Variants in NCOA1 observed in about 807,000 individuals in gnomAD.
NCOA1 encodes the protein nuclear receptor coactivator 1, also known as Hin-2 protein.
NCOA1 carries 35 observed loss-of-function variants against 150.9 expected under a neutral mutation model. That is an observed-to-expected ratio of 0.23 (90% confidence interval 0.18 to 0.31). The LOEUF (loss-of-function observed/expected upper bound fraction) is 0.31, where lower values mean the gene tolerates loss of function less well. NCOA1 is among the 10% of genes least tolerant of loss of function. The pLI is 1.00. For synonymous variants in NCOA1, 590 were observed against 630.0 expected, an observed-to-expected ratio of 0.94 and a Z score of 0.95; for missense variants, 1,491 against 1,749.3, an observed-to-expected ratio of 0.85 and a Z score of 2.63.
chr2:24,700,690 TC>T (rs1673116779), intron 11 of NCOA1, among the ~76,000 whole-genome samples: 1 of 152,202 alleles, frequency 6.6e-6, no homozygotes, highest in Non-Finnish European at 1.5e-5. Context: ...TGGAAAAAGT[TC>T]CCAGGTTCTG....
At chr2:24,608,902 T>C (rs751291035) in intron 3 of NCOA1, among the ~76,000 whole-genome samples, 11 of 152,046 alleles carry the variant, frequency 7.2e-5, no homozygotes, top group Non-Finnish European at 1.3e-4. Flanking sequence ...TTGTCTGATG[T>C]TTTTCTTGTG....
chr2:24,746,571 A>G (rs1215901101), intron 19 of NCOA1, among the ~76,000 whole-genome samples: 1 of 152,160 alleles, frequency 6.6e-6, no homozygotes, highest in Non-Finnish European at 1.5e-5. Flanking sequence ...AGTCTAGGCA[A>G]AGATAGAACT....
At chr2:24,734,177 CAAAAA>C (rs933051944) in intron 17 of NCOA1, among the ~76,000 whole-genome samples, 36 of 68,014 alleles carry the variant, frequency 5.3e-4, no homozygotes, top group African/African-American at 2.0e-3. Context: ...AACTCCATCT[CAAAAA>C]AAAAAAAAAA....
chr2:24,592,689 C>T (rs1266551897), intron 3 of NCOA1, among the ~76,000 whole-genome samples: 1 of 149,244 alleles, frequency 6.7e-6, no homozygotes, highest in Admixed American at 6.8e-5. Flanking sequence ...CAGCTGGAAG[C>T]AGAGTGATCT....
chr2:24,527,815 C>G (rs368832165), intron 1 of NCOA1, among the ~76,000 whole-genome samples: 1 of 152,150 alleles, frequency 6.6e-6, no homozygotes, highest in Admixed American at 6.5e-5. Context: ...TTCTCCATAC[C>G]GTTGCCAACA....
At chr2:24,525,073 G>C (rs185707408) in intron 1 of NCOA1, among the ~76,000 whole-genome samples, 2 of 152,190 alleles carry the variant, frequency 1.3e-5, no homozygotes, top group Non-Finnish European at 2.9e-5. Context: ...TGAAATTAGG[G>C]GAGAGGAGCT....
chr2:24,583,254 A>G (rs1279953336), intron 2 of NCOA1, among the ~76,000 whole-genome samples: 2 of 152,218 alleles, frequency 1.3e-5, no homozygotes, highest in Non-Finnish European at 2.9e-5. Flanking sequence ...TGATCTGACT[A>G]GACATTTCTC....
intron 5 of NCOA1, among the ~76,000 whole-genome samples, chr2:24,664,768 C>G (rs1250803524): frequency 6.6e-6 from 1 of 152,046 alleles, no homozygotes; most frequent in African/African-American, 2.4e-5. Context: ...ATTATGAGCT[C>G]TATAGCAACT....
At chr2:24,602,817 T>C (rs950829390) in intron 3 of NCOA1, among the ~76,000 whole-genome samples, 3 of 152,194 alleles carry the variant, frequency 2.0e-5, no homozygotes, top group African/African-American at 7.2e-5. Context: ...GCCTCAGAAA[T>C]GGAATTTTAC....
Position 24,665,902 on chromosome 2 carries a change from G to A in NCOA1, c.243G>A (p.Lys81=). The change falls in exon 6 of 23, where the codon AAG becomes AAA. Residue 81 remains lysine, a synonymous_variant. Coordinates refer to ENST00000348332, the MANE Select transcript of NCOA1 (RefSeq NM_003743.5). ...CAGTCGATCAGATACAGCTAATGAA[G>A]AGAATGGAACAAGGTAAAAAAGAAA... The part of the protein sequence containing the change: ...KKTVDQIQLM[K]RMEQEKSTTD... 3 of 1,552,656 alleles carry A rather than the reference G, an allele frequency of 1.9e-6. No individual in the cohort carries two copies. The highest frequency in any genetic ancestry group is 2.6e-6 in the Non-Finnish European group (3 of 1,148,094).
intron 3 of NCOA1, among the ~76,000 whole-genome samples, chr2:24,596,264 T>C (rs564783614): frequency 6.6e-6 from 1 of 152,294 alleles, no homozygotes; most frequent in East Asian, 1.9e-4. Context: ...CAAAGCAAAT[T>C]TATCTTATAG....
intron 1 of NCOA1, among the ~76,000 whole-genome samples, chr2:24,536,735 G>T (rs1483740293): frequency 6.6e-6 from 1 of 152,196 alleles, no homozygotes; most frequent in East Asian, 1.9e-4. Context: ...GTTGGAGTTT[G>T]CTGGAGGTCC....
intron 16 of NCOA1, among the ~76,000 whole-genome samples, chr2:24,728,988 AGCACAC>A (rs1324145359): frequency 6.6e-6 from 1 of 152,210 alleles, no homozygotes; most frequent in East Asian, 1.9e-4. Flanking sequence ...CACACACACA[AGCACAC>A]GCGCACGCGC....
At chr2:24,516,640 G>T (rs913726911) in intron 1 of NCOA1, among the ~76,000 whole-genome samples, 2 of 151,530 alleles carry the variant, frequency 1.3e-5, no homozygotes, top group African/African-American at 4.8e-5. Flanking sequence ...TACAGATTAA[G>T]AATTTTTTTA....
intron 3 of NCOA1, among the ~76,000 whole-genome samples, chr2:24,606,816 ATTAG>A (rs1668390882): frequency 6.6e-6 from 1 of 152,218 alleles, no homozygotes; most frequent in South Asian, 2.1e-4. Flanking sequence ...CTTATAACTT[ATTAG>A]TTATTTGAAA....
chr2:24,583,603 T>C (rs1043894243), intron 2 of NCOA1, among the ~76,000 whole-genome samples: 1 of 152,166 alleles, frequency 6.6e-6, no homozygotes, highest in African/African-American at 2.4e-5. Context: ...CCCATATTTA[T>C]TGCAGCATAT....
chr2:24,610,603 G>A (rs540782879), intron 3 of NCOA1, among the ~76,000 whole-genome samples: 1 of 151,720 alleles, frequency 6.6e-6, no homozygotes, highest in African/African-American at 2.4e-5. Flanking sequence ...ATTCTCTCGA[G>A]CTTTACTAGT....
chr2:24,725,743 GT>G (rs1674585837), intron 14 of NCOA1, among the ~76,000 whole-genome samples: 1 of 145,856 alleles, frequency 6.9e-6, no homozygotes, highest in African/African-American at 2.6e-5. Flanking sequence ...GTGTGTGTGT[GT>G]GTGTGTGAGA....
intron 13 of NCOA1, among the ~76,000 whole-genome samples, 189 bp downstream of exon 13, chr2:24,708,077 G>A (rs1471234799): frequency 6.6e-6 from 1 of 152,074 alleles, no homozygotes; most frequent in Non-Finnish European, 1.5e-5. Context: ...ACTTCAGAAG[G>A]CTACAGTTTT....
Sources: gnomAD v4.1 joint callset for allele counts (sites outside exome capture counted in the v4.1 genomes callset) on GRCh38, gnomAD v4.1.1 for gene constraint, MANE v1.5 for transcripts, NCBI Gene and HGNC (gene_info 2026-07-23, HGNC 2026-07-21) for gene names.